Variants in CPSF4L observed in about 807,000 individuals in gnomAD.
CPSF4L encodes the protein cleavage and polyadenylation specific factor 4 like.
In CPSF4L, 18 loss-of-function variants were observed where a neutral mutation model predicts 24.0. The ratio of observed to expected loss-of-function variants is 0.75; its 90% CI spans 0.52 to 1.11. The LOEUF is 1.11. Among genes scored for constraint, CPSF4L ranks in the 50% least tolerant of loss-of-function variants. The pLI, the probability that CPSF4L is intolerant of heterozygous loss-of-function variation, is 0.00. For synonymous variants in CPSF4L, 72 were observed against 77.2 expected (o/e 0.93, Z 0.35); for missense variants, 211 against 221.8 (o/e 0.95, Z 0.31).
intron 2 of CPSF4L, among the ~76,000 whole-genome samples, chr17:73,258,110 C>T (rs753983246): frequency 1.3e-5 from 2 of 151,678 alleles, no homozygotes; most frequent in African/African-American, 2.4e-5. Context: ...CCTGGGTTCA[C>T]GCCATTCTCC....
chr17:73,244,583 A>C (rs1566291), downstream of CPSF4L: 2 of 145,742 alleles, frequency 1.4e-5, no homozygotes, highest in Admixed American at 6.9e-5. Context: ...AAAAAAAAAA[A>C]CCACCAGTAT....
chr17:73,248,467 A>T lies in CPSF4L; in HGVS notation c.*27T>A, dbSNP rs1029807808. 3.9e-6 allele frequency: 6 copies of T among 1,550,332 alleles called. No homozygotes were observed. In the East Asian group the frequency reaches 1.5e-4, roughly 38 times the overall value. ...TGTTCTGCCCTGTCTGTGGCATTGG[A>T]GTGCCCCGCTAGGTAAGAAGCAACG... On this transcript the variant is annotated 3_prime_UTR_variant, in exon 6 of 6. Transcript: ENST00000344935.
chr17:73,245,030 AAC>A, downstream of CPSF4L: 1 of 755,276 alleles, frequency 1.3e-6, no homozygotes, highest in East Asian at 2.9e-5. Flanking sequence ...AAGAAAGTGA[AAC>A]AAACTTCTCA....
chr17:73,261,616 G>A (rs1306764415), intron 1 of CPSF4L, 100 bp downstream of exon 1: 5 of 808,900 alleles, frequency 6.2e-6, no homozygotes, highest in African/African-American at 5.1e-5. Context: ...AGCCGAGATT[G>A]TGCCACTACA....
upstream of CPSF4L, among the ~76,000 whole-genome samples, chr17:73,262,600 G>A (rs1261618883): frequency 6.6e-6 from 1 of 152,224 alleles, no homozygotes; most frequent in Non-Finnish European, 1.5e-5. Context: ...CTATGCAAAT[G>A]TTGTTTTATT....
chr17:73,259,880 A>C (rs1229572586), intron 2 of CPSF4L, among the ~76,000 whole-genome samples: 1 of 152,234 alleles, frequency 6.6e-6, no homozygotes, highest in African/African-American at 2.4e-5. Context: ...CTAAATGTAT[A>C]GGCAAGCGGG....
Position 73,249,615 on chromosome 17 carries a change from A to T in CPSF4L, c.498-1079T>A, listed in dbSNP as rs1393511368. On this transcript the variant is annotated intron_variant, in intron 5 of 5. Transcript: ENST00000344935. Reference sequence around the variant, plus strand: ...CTCACACATCCCATTGCTCTTCTCCATTATTCCAAAAGGCTCAGCACAGCC... The same window carrying T: ...CTCACACATCCCATTGCTCTTCTCCTTTATTCCAAAAGGCTCAGCACAGCC... Among the ~76,000 whole-genome samples, 3 of 152,186 alleles carry T rather than the reference A, an allele frequency of 2.0e-5. No homozygotes were observed. In the East Asian group the frequency reaches 5.8e-4, roughly 29 times the overall value.
chr17:73,252,310 A>G lies in CPSF4L; in HGVS notation c.497+320T>C, dbSNP rs145059249. 7.2e-5 allele frequency among the ~76,000 whole-genome samples: 11 copies of G among 152,300 alleles called. No homozygotes were observed. In the East Asian group the frequency reaches 2.1e-3, roughly 29 times the overall value. ...TTTCATATTTCAGAACCCTGTAGGG[A>G]AGTTGCCCTCCCTTAGCCAGGGCGT... On this transcript the variant is annotated intron_variant, in intron 5 of 5. Coordinates refer to ENST00000344935, the MANE Select transcript of CPSF4L (RefSeq NM_001129885.1).
chr17:73,260,429 C>A (rs1201215807), intron 2 of CPSF4L, among the ~76,000 whole-genome samples: 1 of 152,086 alleles, frequency 6.6e-6, no homozygotes, highest in Non-Finnish European at 1.5e-5. Flanking sequence ...GCAGGCTGCT[C>A]GGTGGATCCA....
At chr17:73,251,093 G>A in intron 5 of CPSF4L, 1 of 1,545,060 alleles carries the variant, frequency 6.5e-7, no homozygotes. Context: ...CCCGGGGCCG[G>A]CTGGCAAGCT....
intron 3 of CPSF4L, among the ~76,000 whole-genome samples, chr17:73,257,072 G>A (rs1339127944): frequency 1.3e-5 from 2 of 152,118 alleles, no homozygotes; most frequent in African/African-American, 4.8e-5. Context: ...ATGCCTTGAA[G>A]CCAGAGGGAG....
upstream of CPSF4L, chr17:73,261,906 C>T (rs965255364): frequency 2.7e-5 from 25 of 928,752 alleles, no homozygotes; most frequent in African/African-American, 8.2e-5. Flanking sequence ...AAGGGGCCAG[C>T]GCCCAATGCC....
rs763452185 is a variant in CPSF4L at position 73,257,750 on chromosome 17, C to A, written c.238G>T (p.Asp80Tyr). Reference sequence around the variant, plus strand: ...TACTGGTGCAGGAACTTGCAGTGATCACCCTTCTTGCAGAGCCCCCGGAGC... The same window carrying A: ...TACTGGTGCAGGAACTTGCAGTGATAACCCTTCTTGCAGAGCCCCCGGAGC... ...HWLRGLCKKG[D>Y]HCKFLHQYDL... The change falls in exon 3 of 6, where the codon GAT (aspartate) becomes TAT (tyrosine). Residue 80 changes from aspartate (D) to tyrosine (Y), a missense_variant. Transcript: ENST00000344935. The A allele has an allele frequency of 1.3e-6, 2 of 1,551,574 alleles. No individual in the cohort carries two copies. Among genetic ancestry groups the A allele is most frequent in the African/African-American group, 2.7e-5 (2 of 73,012 alleles).
At chr17:73,257,061 G>T (rs1469435481) in intron 3 of CPSF4L, among the ~76,000 whole-genome samples, 1 of 152,080 alleles carries the variant, frequency 6.6e-6, no homozygotes. Flanking sequence ...AAGGACAAAG[G>T]ATGCCTTGAA....
intron 3 of CPSF4L, 28 bp from the exon 4 acceptor site, chr17:73,254,054 G>A (rs1453131540): frequency 3.3e-6 from 5 of 1,521,890 alleles, no homozygotes; most frequent in Middle Eastern, 3.4e-4. Flanking sequence ...CTCTGTAGAA[G>A]CAGTTTCTCT....
chr17:73,249,581 C>T (rs1240598116), intron 5 of CPSF4L, among the ~76,000 whole-genome samples: 2 of 152,130 alleles, frequency 1.3e-5, no homozygotes, highest in African/African-American at 4.8e-5. Context: ...GGTGGGGGGC[C>T]AGTTCTTCCT....
chr17:73,254,338 G>A (rs1195901355), intron 3 of CPSF4L, among the ~76,000 whole-genome samples: 2 of 152,200 alleles, frequency 1.3e-5, no homozygotes, highest in Admixed American at 6.5e-5. Flanking sequence ...AAGGAGAGCC[G>A]AGAAGGCCTG....
upstream of CPSF4L, chr17:73,262,138 A>C: frequency 1.0e-5 from 3 of 287,320 alleles, no homozygotes; most frequent in East Asian, 6.4e-5. Flanking sequence ...CCGAACACAA[A>C]CGTGGCGTGC....
intron 5 of CPSF4L, among the ~76,000 whole-genome samples, chr17:73,250,754 G>A (rs560634988): frequency 5.3e-5 from 8 of 152,338 alleles, no homozygotes; most frequent in Non-Finnish European, 1.5e-5. Context: ...TAACTGAATA[G>A]TAGTAGGCAA....
Sources: gnomAD v4.1 joint callset for allele counts (sites outside exome capture counted in the v4.1 genomes callset) on GRCh38, gnomAD v4.1.1 for gene constraint, MANE v1.5 for transcripts, NCBI Gene and HGNC (gene_info 2026-07-23, HGNC 2026-07-21) for gene names.